Variants in DAD1 observed in about 807,000 individuals in gnomAD.
DAD1 encodes defender against cell death 1, also known as dolichyl-diphosphooligosaccharide--protein glycosyltransferase subunit DAD1.
A neutral mutation model predicts 9.0 loss-of-function variants in DAD1; 4 were observed. The ratio of observed to expected loss-of-function variants is 0.44; its 90% confidence interval spans 0.22 to 1.01. The LOEUF is 1.01. Among genes scored for constraint, DAD1 ranks in the 50% least tolerant of loss-of-function variants. DAD1 has a pLI of 0.24. For synonymous variants in DAD1, 60 were observed against 62.5 expected, an observed-to-expected ratio of 0.96 and a Z score of 0.19; for missense variants, 119 against 137.3, an observed-to-expected ratio of 0.87 and a Z score of 0.67.
At chr14:22,574,970 A>G in intron 2 of DAD1, 89 bp downstream of exon 2, 1 of 1,143,538 alleles carries the variant, frequency 8.7e-7, no homozygotes, top group South Asian at 1.6e-5. Context: ...GCAGTATGGG[A>G]GCCTGGCCAA....
At chr14:22,565,701 G>A (rs149647527) in intron 2 of DAD1, among the ~76,000 whole-genome samples, 2 of 152,252 alleles carry the variant, frequency 1.3e-5, no homozygotes, top group African/African-American at 2.4e-5. Flanking sequence ...AAGAGTAACC[G>A]CAACAGAAGT....
intron 1 of DAD1, among the ~76,000 whole-genome samples, chr14:22,579,582 A>G (rs1004943897): frequency 1.3e-5 from 2 of 152,246 alleles, no homozygotes; most frequent in African/African-American, 4.8e-5. Context: ...TCCACTTGGG[A>G]GAGCAACTAG....
intron 2 of DAD1, among the ~76,000 whole-genome samples, chr14:22,569,559 T>C (rs1453386434): frequency 6.6e-6 from 1 of 152,070 alleles, no homozygotes; most frequent in Non-Finnish European, 1.5e-5. Flanking sequence ...ATGTGATAAG[T>C]GCAGCACTGG....
intron 2 of DAD1, among the ~76,000 whole-genome samples, chr14:22,571,222 GGA>G (rs71421124): frequency 0.091 from 13,660 of 150,394 alleles, 1,145 homozygotes; most frequent in African/African-American, 0.22. Flanking sequence ...GGCTGCGGCA[GGA>G]GAATTGCTTG....
intron 1 of DAD1, among the ~76,000 whole-genome samples, chr14:22,581,428 C>A (rs1391560584): frequency 1.3e-5 from 2 of 152,130 alleles, no homozygotes; most frequent in Admixed American, 6.5e-5. Flanking sequence ...ACAGTAAGAA[C>A]AATCTTGACA....
chr14:22,570,128 A>G (rs1304752067), intron 2 of DAD1, among the ~76,000 whole-genome samples: 1 of 152,220 alleles, frequency 6.6e-6, no homozygotes, highest in East Asian at 1.9e-4. Context: ...GGAAATATCA[A>G]AGAGAAAATG....
chr14:22,569,713 T>C (rs1484817395), intron 2 of DAD1, among the ~76,000 whole-genome samples: 1 of 152,226 alleles, frequency 6.6e-6, no homozygotes, highest in Non-Finnish European at 1.5e-5. Flanking sequence ...TCTATTTCGA[T>C]ATTCTTTTTT....
chr14:22,571,000 G>A (rs1441549216), intron 2 of DAD1, among the ~76,000 whole-genome samples: 1 of 142,250 alleles, frequency 7.0e-6, no homozygotes, highest in African/African-American at 2.8e-5. Flanking sequence ...CACCTGAGAT[G>A]GACTGAGATT....
In DAD1 at chr14:22,589,069, T is replaced by C; in HGVS notation, c.89A>G (p.Tyr30Cys). The C allele has an allele frequency of 6.2e-7, 1 of 1,614,206 alleles. No individual in the cohort carries two copies. The highest frequency in any genetic ancestry group is 8.5e-7 in the Non-Finnish European group (1 of 1,180,028). The stretch of plus-strand genomic sequence containing the variant: ...CCCGGTCAGCAGTATATACAGCAGG[T>C]ACGCGTCCAGCAACTTCAGACGCTG... ...TPQRLKLLDAYLLYILLTGAL... is the reference protein window; with the variant it reads ...TPQRLKLLDACLLYILLTGAL... The change falls in exon 1 of 3, where the codon TAC (tyrosine) becomes TGC (cysteine). Residue 30 changes from tyrosine (Y) to cysteine (C), a missense_variant. Coordinates refer to ENST00000250498, the MANE Select transcript of DAD1 (RefSeq NM_001344.4).
intron 2 of DAD1, among the ~76,000 whole-genome samples, chr14:22,570,924 G>C (rs1338962301): frequency 6.6e-6 from 1 of 151,948 alleles, no homozygotes; most frequent in African/African-American, 2.4e-5. Flanking sequence ...AATTCATCAG[G>C]AACTTTAATT....
intron 2 of DAD1, among the ~76,000 whole-genome samples, chr14:22,571,260 G>A (rs2037037402): frequency 7.1e-6 from 1 of 141,066 alleles, no homozygotes. Context: ...GTTGCAGTGA[G>A]CCAAGACTGC....
chr14:22,575,737 C>T (rs1326056525), intron 1 of DAD1, among the ~76,000 whole-genome samples: 4 of 152,036 alleles, frequency 2.6e-5, no homozygotes, highest in Non-Finnish European at 5.9e-5. Flanking sequence ...TTAGTAGAGA[C>T]GGGGTTTCAC....
intron 1 of DAD1, among the ~76,000 whole-genome samples, chr14:22,576,358 G>A (rs1026164813): frequency 2.6e-5 from 4 of 152,034 alleles, no homozygotes; most frequent in African/African-American, 9.7e-5. Flanking sequence ...CCACTCAATG[G>A]GGAAACAGTC....
rs115108374 is a variant in DAD1 at position 22,587,114 on chromosome 14, A to G, written c.211+1833T>C. Among the ~76,000 whole-genome samples the G allele has an allele frequency of 1.8e-3, 274 of 152,356 alleles. 1 individual carries two copies. Among genetic ancestry groups the G allele is most frequent in the African/African-American group, 6.3e-3 (264 of 41,588 alleles). On this transcript the variant is annotated intron_variant, in intron 1 of 2. Coordinates refer to ENST00000250498, the MANE Select transcript of DAD1 (RefSeq NM_001344.4). Reference sequence around the variant, plus strand: ...AACGGGCTCAAAAACAGGTCTTGGCATAAGTGAAAGTCATTTGCTCAAAAA... The same window carrying G: ...AACGGGCTCAAAAACAGGTCTTGGCGTAAGTGAAAGTCATTTGCTCAAAAA...
At chr14:22,580,785 G>T (rs2037110948) in intron 1 of DAD1, among the ~76,000 whole-genome samples, 3 of 152,130 alleles carry the variant, frequency 2.0e-5, no homozygotes. Flanking sequence ...CCATGCTTGG[G>T]GAGGCGTACT....
intron 2 of DAD1, among the ~76,000 whole-genome samples, chr14:22,565,918 T>C (rs2036999398): frequency 6.6e-6 from 1 of 152,166 alleles, no homozygotes; most frequent in Non-Finnish European, 1.5e-5. Context: ...CAGTGTGCCA[T>C]AAAAATACTG....
chr14:22,585,350 T>C lies in DAD1; in HGVS notation c.211+3597A>G, dbSNP rs147443925. Among the ~76,000 whole-genome samples the C allele has an allele frequency of 1.6e-3, 240 of 152,338 alleles. 2 individuals carry two copies. The highest frequency in any genetic ancestry group is 5.6e-3 in the African/African-American group (232 of 41,580). ...CTTAATGTTTTCTACTTATCCCTCC[T>C]AAATAGCACTTTAAATGAGCACAGC... On this transcript the variant is annotated intron_variant, in intron 1 of 2. Transcript: ENST00000250498.
At chr14:22,571,867 T>G (rs1268396) in intron 2 of DAD1, among the ~76,000 whole-genome samples, 1 of 152,038 alleles carries the variant, frequency 6.6e-6, no homozygotes, top group African/African-American at 2.4e-5. Context: ...TGACCTCAGG[T>G]GATCCACCCA....
chr14:22,583,123 G>A (rs1296876934), intron 1 of DAD1, among the ~76,000 whole-genome samples: 1 of 151,848 alleles, frequency 6.6e-6, no homozygotes, highest in Non-Finnish European at 1.5e-5. Context: ...GTACATATCA[G>A]ACATCAAGTG....
Sources: allele counts gnomAD v4.1 joint callset (sites outside exome capture counted in the v4.1 genomes callset), GRCh38; gene constraint gnomAD v4.1.1; transcripts MANE v1.5; gene names NCBI Gene and HGNC (gene_info 2026-07-23, HGNC 2026-07-21).